The following DNAH11 variants were observed in gnomAD, a reference collection of about 807,000 sequenced individuals.
DNAH11 encodes axonemal beta dynein heavy chain 11.
A neutral mutation model predicts 526.0 loss-of-function variants in DNAH11; 442 were observed. The observed-to-expected ratio is 0.84, with a 90% confidence interval of 0.78 to 0.91. DNAH11 has a LOEUF of 0.91. Among genes scored for constraint, DNAH11 ranks in the 40% least tolerant of loss-of-function variants. DNAH11 has a pLI of 0.00. For synonymous variants in DNAH11, 2,461 were observed against 1,935.9 expected, an observed-to-expected ratio of 1.27 and a Z score of -7.12; for missense variants, 6,989 against 5,448.7, an observed-to-expected ratio of 1.28 and a Z score of -8.90.
At chr7:21,769,190 T>C (rs1787312758) in intron 55 of DNAH11, among the ~76,000 whole-genome samples, 1 of 152,222 alleles carries the variant, frequency 6.6e-6, no homozygotes. Context: ...TATACTGGCT[T>C]AAGCATATCT....
At chr7:21,635,436 G>T (rs1235456709) in intron 25 of DNAH11, among the ~76,000 whole-genome samples, 5 of 152,118 alleles carry the variant, frequency 3.3e-5, no homozygotes, top group African/African-American at 4.8e-5. Flanking sequence ...GATTACAGGC[G>T]TGAGCCACCG....
chr7:21,818,574 G>A (rs1184201344), intron 65 of DNAH11, among the ~76,000 whole-genome samples: 1 of 152,120 alleles, frequency 6.6e-6, no homozygotes, highest in African/African-American at 2.4e-5. Flanking sequence ...GCCAAAAAAT[G>A]TATTGTTATA....
At chr7:21,552,042 A>G (rs1433292996) in intron 2 of DNAH11, among the ~76,000 whole-genome samples, 1 of 152,090 alleles carries the variant, frequency 6.6e-6, no homozygotes, top group East Asian at 1.9e-4. Flanking sequence ...GCTTGTACAC[A>G]TTCGGGCCAC....
rs371659661 is a variant in DNAH11, at chr7:21,620,044, A to G, written c.4466A>G (p.Asp1489Gly). ...YRTGIPLLKSDEQLFETLEHN... is the reference protein window; with the variant it reads ...YRTGIPLLKSGEQLFETLEHN... Reference sequence around the variant, plus strand: ...ACAGGCATTCCATTACTAAAGTCTGATGAACAACTTTTTGAAACTCTAGAG... The same window carrying G: ...ACAGGCATTCCATTACTAAAGTCTGGTGAACAACTTTTTGAAACTCTAGAG... Residue 1489 changes from aspartate (D) to glycine (G), a missense_variant, in exon 25 of 82, where the codon GAT becomes GGT. Coordinates refer to ENST00000409508, the MANE Select transcript of DNAH11 (RefSeq NM_001277115.2). 31 of 1,603,750 alleles carry G rather than the reference A, an allele frequency of 1.9e-5. No homozygotes were observed. Among genetic ancestry groups the G allele is most frequent in the African/African-American group, 8.1e-5 (6 of 74,494 alleles).
intron 8 of DNAH11, among the ~76,000 whole-genome samples, chr7:21,573,956 C>T (rs1165811787): frequency 6.6e-6 from 1 of 152,186 alleles, no homozygotes; most frequent in East Asian, 1.9e-4. Context: ...AATCTCATGC[C>T]TACTAATCAG....
At chr7:21,727,068 G>A (rs1785151822) in intron 45 of DNAH11, among the ~76,000 whole-genome samples, 1 of 147,438 alleles carries the variant, frequency 6.8e-6, no homozygotes, top group Non-Finnish European at 1.5e-5. Context: ...CAAGTAGCTG[G>A]AACTACAGGT....
intron 72 of DNAH11, among the ~76,000 whole-genome samples, chr7:21,868,258 G>C (rs1368270000): frequency 6.6e-6 from 1 of 152,092 alleles, no homozygotes; most frequent in Non-Finnish European, 1.5e-5. Flanking sequence ...GACTGTATGA[G>C]GGCCAGAGGG....
Position 21,710,648 on chromosome 7 carries a change from G to A in DNAH11, c.6779G>A (p.Gly2260Asp). 6.2e-7 allele frequency: 1 copy of A among 1,613,262 alleles called. No individual in the cohort carries two copies. The highest frequency in any genetic ancestry group is 8.5e-7 in the Non-Finnish European group (1 of 1,179,620). Residue 2260 changes from glycine to aspartate, a missense_variant, in exon 41 of 82, where the codon GGC becomes GAC. Coordinates refer to ENST00000409508, the MANE Select transcript of DNAH11 (RefSeq NM_001277115.2). ...GGACCAAAATGGATAGTCCTGGATG[G>A]CGATATTGACCCCATGTGGATTGAA... is the stretch of plus-strand genomic sequence containing the variant. Reference protein sequence around the residue: ...HDGPKWIVLDGDIDPMWIESL... With the variant: ...HDGPKWIVLDDDIDPMWIESL...
At chr7:21,564,430 AT>A in intron 6 of DNAH11, 33 bp downstream of exon 6, 2 of 1,547,010 alleles carry the variant, frequency 1.3e-6, no homozygotes, top group Non-Finnish European at 1.8e-6. Context: ...AACAATAAGA[AT>A]TGTTGCTGTG....
chr7:21,782,903 G>C, intron 57 of DNAH11, among the ~76,000 whole-genome samples: 1 of 111,954 alleles, frequency 8.9e-6, no homozygotes, highest in South Asian at 2.7e-4. Context: ...GAACGAAACT[G>C]TCTCAAAAAA....
intron 2 of DNAH11, among the ~76,000 whole-genome samples, chr7:21,548,414 GA>G (rs1782886640): frequency 6.6e-6 from 1 of 152,196 alleles, no homozygotes; most frequent in African/African-American, 2.4e-5. Context: ...ACCACCAAAA[GA>G]GTGCTAACTT....
chr7:21,653,678 A>G (rs1047368260), intron 28 of DNAH11, among the ~76,000 whole-genome samples: 6 of 152,198 alleles, frequency 3.9e-5, no homozygotes, highest in African/African-American at 1.2e-4. Flanking sequence ...TGGGTAATGT[A>G]CAGGGATGGA....
chr7:21,622,763 A>T (rs1008435410), intron 25 of DNAH11, among the ~76,000 whole-genome samples: 1 of 152,224 alleles, frequency 6.6e-6, no homozygotes, highest in Non-Finnish European at 1.5e-5. Flanking sequence ...CTGGCTAGCC[A>T]TATGTAGAAA....
intron 9 of DNAH11, among the ~76,000 whole-genome samples, chr7:21,584,605 T>C (rs938317981): frequency 2.0e-5 from 3 of 152,140 alleles, no homozygotes; most frequent in Admixed American, 6.6e-5. Flanking sequence ...CAAATAGTTC[T>C]TTGTTTTATA....
chr7:21,572,588 A>G (rs1309566734), intron 8 of DNAH11, among the ~76,000 whole-genome samples: 1 of 152,230 alleles, frequency 6.6e-6, no homozygotes, highest in Non-Finnish European at 1.5e-5. Context: ...TGCCAAGAAC[A>G]GCGAAGCCCA....
intron 43 of DNAH11, among the ~76,000 whole-genome samples, chr7:21,719,279 T>C (rs1238125970): frequency 6.6e-6 from 1 of 152,246 alleles, no homozygotes; most frequent in Non-Finnish European, 1.5e-5. Context: ...GATAGTGACC[T>C]GAAATGGCTA....
intron 74 of DNAH11, among the ~76,000 whole-genome samples, chr7:21,877,703 A>G (rs962591481): frequency 1.1e-4 from 16 of 151,854 alleles, no homozygotes; most frequent in Non-Finnish European, 1.6e-4. Flanking sequence ...GTGAAACCCC[A>G]TCTCTACTAA....
chr7:21,763,351 A>G lies in DNAH11; in HGVS notation c.8941-2077A>G, dbSNP rs1787010756. Among the ~76,000 whole-genome samples the G allele has an allele frequency of 4.4e-5, 4 of 91,106 alleles. 1 individual carries two copies. The highest frequency in any genetic ancestry group is 7.3e-5 in the Non-Finnish European group (3 of 41,180). The allele number at this position is 91,106 out of a possible 152,430, so 59.8% of individuals were successfully genotyped here. Reference sequence around the variant, plus strand: ...AGCAAGACTGTCTCAAAAAAAAAAAAAAAAAGAAAAAAAAAAAGACTTACA... The same window carrying G: ...AGCAAGACTGTCTCAAAAAAAAAAAGAAAAAGAAAAAAAAAAAGACTTACA... On this transcript the variant is annotated intron_variant, in intron 54 of 81. Coordinates refer to ENST00000409508, the MANE Select transcript of DNAH11 (RefSeq NM_001277115.2).
At chr7:21,671,638 G>A (rs1005436785) in intron 30 of DNAH11, among the ~76,000 whole-genome samples, 2 of 151,632 alleles carry the variant, frequency 1.3e-5, no homozygotes, top group African/African-American at 2.4e-5. Flanking sequence ...TCTATAGCTT[G>A]TTTTATATTT....
Sources: allele counts gnomAD v4.1 joint callset (sites outside exome capture counted in the v4.1 genomes callset), GRCh38; gene constraint gnomAD v4.1.1; transcripts MANE v1.5; gene names NCBI Gene and HGNC (gene_info 2026-07-23, HGNC 2026-07-21).